The following HMCN1 variants were observed in gnomAD, a reference collection of about 807,000 sequenced individuals.
HMCN1 encodes the protein hemicentin 1.
Under a neutral mutation model 625.9 loss-of-function variants are expected in HMCN1, and 321 were observed. That is an observed-to-expected ratio of 0.51 (90% CI 0.47 to 0.56). The LOEUF (loss-of-function observed/expected upper bound fraction) is 0.56, where lower values mean the gene tolerates loss of function less well. Ranked by LOEUF, HMCN1 falls within the 20% of genes least tolerant of loss-of-function variation. The pLI is 0.00. For missense variants in HMCN1, 6,588 were observed against 6,887.3 expected (o/e 0.96, Z 1.54); for synonymous variants, 2,425 against 2,417.6 (o/e 1.00, Z -0.09).
chr1:186,137,920 A>G lies in HMCN1; in HGVS notation c.13872A>G (p.Pro4624=), dbSNP rs560399897. The part of the protein sequence containing the change: ...NNPSVQHGGR[P]CEGNAVEIIM... The stretch of plus-strand genomic sequence containing the variant: ...CATCAGTTCAGCATGGTGGGCGGCC[A>G]TGTGAAGGGAATGCTGTGGAAATAA... Residue 4624 remains proline (P), a synonymous_variant, in exon 89 of 107, where the codon CCA becomes CCG. Transcript: ENST00000271588. 1.6e-5 allele frequency: 26 copies of G among 1,614,078 alleles called. 1 individual carries two copies. The South Asian group carries it at 2.4e-4, about 15-fold the overall frequency.
chr1:186,062,659 C>T, intron 48 of HMCN1, 59 bp downstream of exon 48: 1 of 1,112,682 alleles, frequency 9.0e-7, no homozygotes, highest in Non-Finnish European at 1.4e-6. Context: ...GTCATTGCCT[C>T]CACTATATAT....
intron 9 of HMCN1, among the ~76,000 whole-genome samples, chr1:185,926,785 T>C (rs1015762606): frequency 2.0e-5 from 3 of 152,220 alleles, no homozygotes; most frequent in African/African-American, 7.2e-5. Flanking sequence ...AATGTTTGTT[T>C]ATGTCAGTCA....
chr1:185,833,874 C>T (rs1305245044), intron 1 of HMCN1, among the ~76,000 whole-genome samples: 2 of 151,900 alleles, frequency 1.3e-5, no homozygotes, highest in Admixed American at 6.6e-5. Context: ...AAATGTTAGC[C>T]TCTTCTAAAG....
intron 44 of HMCN1, among the ~76,000 whole-genome samples, chr1:186,054,982 C>T (rs543879825): frequency 2.0e-5 from 3 of 152,018 alleles, no homozygotes; most frequent in South Asian, 2.1e-4. Flanking sequence ...TCAGTTTTTC[C>T]AACTCATATT....
chr1:186,019,766 T>G, intron 35 of HMCN1, 71 bp downstream of exon 35: 1 of 1,311,580 alleles, frequency 7.6e-7, no homozygotes, highest in Non-Finnish European at 1.1e-6. Context: ...CAAGTTATTC[T>G]TTCTTAACTG....
intron 14 of HMCN1, among the ~76,000 whole-genome samples, chr1:185,966,167 T>C (rs1650395497): frequency 6.6e-6 from 1 of 152,156 alleles, no homozygotes; most frequent in Non-Finnish European, 1.5e-5. Context: ...ACATTCTCTT[T>C]GTTAGTTTAG....
At chr1:185,912,819 A>G (rs1169320882) in intron 6 of HMCN1, among the ~76,000 whole-genome samples, 3 of 152,114 alleles carry the variant, frequency 2.0e-5, no homozygotes, top group African/African-American at 7.2e-5. Context: ...CCAGCTGTCA[A>G]ATAAACAACT....
intron 104 of HMCN1, among the ~76,000 whole-genome samples, chr1:186,181,055 G>T (rs1166795412): frequency 6.6e-6 from 1 of 152,176 alleles, no homozygotes. Context: ...CATTGCTTCT[G>T]AATGCAGAAA....
chr1:186,056,921 A>G (rs1430844612), intron 45 of HMCN1, among the ~76,000 whole-genome samples: 1 of 151,908 alleles, frequency 6.6e-6, no homozygotes, highest in African/African-American at 2.4e-5. Context: ...CAATTAAAAA[A>G]AAGGGGGCGA....
At chr1:186,093,371 A>T in intron 65 of HMCN1, 113 bp downstream of exon 65, 1 of 1,579,442 alleles carries the variant, frequency 6.3e-7, no homozygotes, top group South Asian at 1.1e-5. Context: ...TGATGCCACC[A>T]CTATTTCCTT....
At position 186,128,192 on chromosome 1, in the gene HMCN1, G is replaced by A. The variant is rs781660732; in HGVS notation, c.12805G>A (p.Val4269Met). The A allele has an allele frequency of 5.6e-6, 9 of 1,613,636 alleles. No individual in the cohort carries two copies. The highest frequency in any genetic ancestry group is 2.7e-5 in the African/African-American group (2 of 74,984). The change falls in exon 83 of 107, where the codon GTG becomes ATG. Residue 4269 changes from valine to methionine, a missense_variant. Around this residue, in one of 3 missense-constraint regions of HMCN1, gnomAD observed 1,954 missense variants for 2,013.1 expected, o/e 0.97. Coordinates refer to ENST00000271588, the MANE Select transcript of HMCN1 (RefSeq NM_031935.3). ...LPTFTELPGDVSLNKGEQLRL... is the reference protein window; with the variant it reads ...LPTFTELPGDMSLNKGEQLRL... ...CACTTTTACTGAACTTCCTGGAGAC[G>A]TGTCATTAAATAAAGGAGAACAGCT...
chr1:185,798,372 A>G (rs6700856), intron 1 of HMCN1, among the ~76,000 whole-genome samples: 13,849 of 152,142 alleles, frequency 0.091, 2,033 homozygotes, highest in African/African-American at 0.31. Context: ...TTCTTTCAAT[A>G]TATTTTCCTG....
intron 1 of HMCN1, among the ~76,000 whole-genome samples, chr1:185,830,463 A>G (rs1165707951): frequency 6.6e-6 from 1 of 152,194 alleles, no homozygotes; most frequent in Non-Finnish European, 1.5e-5. Flanking sequence ...AGTTTTCTGC[A>G]TATGGCTAGG....
intron 1 of HMCN1, among the ~76,000 whole-genome samples, chr1:185,770,307 T>TA (rs1440489228): frequency 6.6e-6 from 1 of 152,184 alleles, no homozygotes; most frequent in Non-Finnish European, 1.5e-5. Context: ...AAGCTATTCT[T>TA]AGCAAAAAGT....
intron 36 of HMCN1, among the ~76,000 whole-genome samples, chr1:186,037,136 G>A (rs144777562): frequency 4.6e-5 from 7 of 151,728 alleles, no homozygotes; most frequent in Admixed American, 4.6e-4. Flanking sequence ...TTAGTTAAAT[G>A]TAGCAAATCC....
chr1:185,914,982 T>C (rs761021628), intron 6 of HMCN1, among the ~76,000 whole-genome samples: 3 of 152,052 alleles, frequency 2.0e-5, no homozygotes, highest in Non-Finnish European at 4.4e-5. Flanking sequence ...ACTTAGCCTG[T>C]AGTGGAGGTG....
intron 89 of HMCN1, among the ~76,000 whole-genome samples, chr1:186,140,010 G>A (rs779946234): frequency 7.8e-4 from 119 of 152,078 alleles, no homozygotes; most frequent in Non-Finnish European, 1.5e-3. Context: ...GTTGCAAGAA[G>A]AGTACAGATA....
At chr1:185,821,221 C>T (rs1660166357) in intron 1 of HMCN1, among the ~76,000 whole-genome samples, 1 of 151,990 alleles carries the variant, frequency 6.6e-6, no homozygotes, top group African/African-American at 2.4e-5. Flanking sequence ...TCTGTAAAGA[C>T]CACCAGTATA....
intron 4 of HMCN1, among the ~76,000 whole-genome samples, chr1:185,903,980 T>G (rs1665955410): frequency 1.3e-5 from 2 of 151,822 alleles, no homozygotes; most frequent in Non-Finnish European, 2.9e-5. Context: ...TTCTGAGCCA[T>G]TATATATTGA....
Sources: gnomAD v4.1 joint callset for allele counts (sites outside exome capture counted in the v4.1 genomes callset) on GRCh38, gnomAD v4.1.1 for gene constraint, gnomAD v4.1.1 regional missense constraint, MANE v1.5 for transcripts, NCBI Gene and HGNC (gene_info 2026-07-23, HGNC 2026-07-21) for gene names.